Variants in LCT observed in about 807,000 individuals in gnomAD.
LCT encodes lactase.
A neutral mutation model predicts 173.0 loss-of-function variants in LCT; 90 were observed. That is an observed-to-expected ratio of 0.52 (90% confidence interval 0.44 to 0.62). The LOEUF is 0.62. LCT is among the 20% of genes least tolerant of loss of function. The pLI is 0.00. For missense variants in LCT, 1,864 were observed against 2,431.4 expected, an observed-to-expected ratio of 0.77 and a Z score of 4.91; for synonymous variants, 853 against 957.6, an observed-to-expected ratio of 0.89 and a Z score of 2.02.
At chr2:135,808,354 G>T (rs1323716027) in intron 8 of LCT, 89 bp downstream of exon 8, 1 of 1,021,204 alleles carries the variant, frequency 9.8e-7, no homozygotes, top group Non-Finnish European at 1.6e-6. Context: ...TCTATTGATG[G>T]TTCATAAATC....
rs768506428 is a variant in LCT, at chr2:135,808,631, G to A, written c.3716C>T (p.Ser1239Leu). Residue 1239 changes from serine (S) to leucine (L), a missense_variant, in exon 8 of 17, where the codon TCG becomes TTG. Coordinates refer to ENST00000264162, the MANE Select transcript of LCT (RefSeq NM_002299.4). ...TCTGTTCATTGCCGTGGAAGGCCAC[G>A]AAGGGTCCTCCTCCTCAGCCATCTC... The part of the protein sequence containing the change: ...DQEMAEEEDP[S>L]WPSTAMNRAA... 29 of 1,614,106 alleles carry A rather than the reference G, an allele frequency of 1.8e-5. 1 individual carries two copies. The highest frequency in any genetic ancestry group is 1.8e-4 in the East Asian group (8 of 44,892).
chr2:135,804,815 G>A lies in LCT; in HGVS notation c.4416C>T (p.Tyr1472=), dbSNP rs1298039219. ...TRYINEAGLN[Y]YVRLIDTLLA... is the part of the protein sequence containing the mutation. The stretch of plus-strand genomic sequence containing the variant: ...GCAGTGTATCGATGAGCCTCACGTA[G>A]TAGTTCAGGCCCGCTTCATTGATGT... Residue 1472 remains tyrosine, a synonymous_variant, in exon 10 of 17, where the codon TAC becomes TAT. Coordinates refer to ENST00000264162, the MANE Select transcript of LCT (RefSeq NM_002299.4). 3.7e-6 allele frequency: 6 copies of A among 1,613,664 alleles called. No homozygotes were observed. The highest frequency in any genetic ancestry group is 4.2e-6 in the Non-Finnish European group (5 of 1,180,060).
At position 135,788,308 on chromosome 2, in the gene LCT, T is replaced by A; in HGVS notation, c.*16A>T. ...AGAAACTAGGCCTGCTTCATAGAAC[T>A]TGAGGTGGTAACTCATCAGAATGAA... On this transcript the variant is annotated 3_prime_UTR_variant, in exon 17 of 17. Coordinates refer to ENST00000264162, the MANE Select transcript of LCT (RefSeq NM_002299.4). 4 of 1,585,794 alleles carry A rather than the reference T, an allele frequency of 2.5e-6. No individual in the cohort carries two copies. In the East Asian group the frequency reaches 8.9e-5, roughly 35 times the overall value.
At chr2:135,802,972 C>T (rs1190561428) in intron 11 of LCT, among the ~76,000 whole-genome samples, 4 of 151,962 alleles carry the variant, frequency 2.6e-5, no homozygotes, top group Non-Finnish European at 5.9e-5. Flanking sequence ...ATTAGCTGGG[C>T]ATGGTGACAC....
Position 135,817,947 on chromosome 2 carries a change from G to C in LCT, c.1101C>G (p.Ala367=). 1 of 1,614,010 alleles carries C rather than the reference G, an allele frequency of 6.2e-7. No individual in the cohort carries two copies. The highest frequency in any genetic ancestry group is 8.5e-7 in the Non-Finnish European group (1 of 1,180,018). Residue 367 remains alanine (A), a synonymous_variant, in exon 6 of 17, where the codon GCC becomes GCG. Transcript: ENST00000264162. ...SAYQRIWEAF[A]NQSRAERDAF... ...CATCCCTTTCCGCCCTGGACTGATT[G>C]GCAAATGCTTCCCAGATTCTCTGAT...
chr2:135,835,629 C>T (rs924276507), intron 1 of LCT, among the ~76,000 whole-genome samples: 5 of 150,106 alleles, frequency 3.3e-5, no homozygotes, highest in African/African-American at 9.8e-5. Context: ...GTGTACCTAA[C>T]ATACACTTAG....
Position 135,802,307 on chromosome 2 carries a change from T to C in LCT, c.4664-1498A>G, listed in dbSNP as rs189492712. ...CTGGATGGTTCTCAAGGCACAAAAA[T>C]AGGTCCACAATTTCTTATTCAAAAC... is the stretch of plus-strand genomic sequence containing the variant. On this transcript the variant is annotated intron_variant, in intron 11 of 16. Coordinates refer to ENST00000264162, the MANE Select transcript of LCT (RefSeq NM_002299.4). 1.8e-3 allele frequency among the ~76,000 whole-genome samples: 270 copies of C among 152,286 alleles called. 1 individual carries two copies. Among genetic ancestry groups the C allele is most frequent in the South Asian group, 3.3e-3 (16 of 4,820 alleles).
At chr2:135,827,749 TG>T (rs1458619674) in intron 3 of LCT, among the ~76,000 whole-genome samples, 1 of 152,172 alleles carries the variant, frequency 6.6e-6, no homozygotes, top group Non-Finnish European at 1.5e-5. Context: ...TGGTAATGCT[TG>T]CTCGCCTGCC....
At position 135,835,980 on chromosome 2, in the gene LCT, A is replaced by G. The variant is rs12052915; in HGVS notation, c.640+550T>C. ...GTATTTCAAAAATACATGTGTGTAT[A>G]TATATATATATATATATATATATAT... is the stretch of plus-strand genomic sequence containing the variant. On this transcript the variant is annotated intron_variant, in intron 1 of 16. Transcript: ENST00000264162. 7.7e-3 allele frequency among the ~76,000 whole-genome samples: 133 copies of G among 17,276 alleles called. 1 individual carries two copies. The highest frequency in any genetic ancestry group is 0.018 in the East Asian group (11 of 612). 11.3% of individuals were successfully genotyped at this position (17,276 alleles called of 152,430 possible).
chr2:135,799,479 CTTT>C (rs745994855), intron 12 of LCT, among the ~76,000 whole-genome samples: 2 of 142,280 alleles, frequency 1.4e-5, no homozygotes. Flanking sequence ...CACCTGCTTC[CTTT>C]TTTTTTTTTT....
chr2:135,794,879 T>C, intron 13 of LCT, 104 bp from the exon 14 acceptor site: 2 of 1,329,456 alleles, frequency 1.5e-6, no homozygotes. Flanking sequence ...CCCCAGGCAC[T>C]TGGCAGTGAG....
chr2:135,833,671 C>T (rs572654511), intron 1 of LCT, among the ~76,000 whole-genome samples: 121 of 151,554 alleles, frequency 8.0e-4, no homozygotes, highest in African/African-American at 2.8e-3. Flanking sequence ...TGGTCTCGAT[C>T]TCCTGACCTC....
rs1679414804 is a variant in LCT at position 135,836,882 on chromosome 2, G to A, written c.288C>T (p.Leu96=). The A allele has an allele frequency of 1.9e-6, 3 of 1,614,158 alleles. No homozygotes were observed. Among genetic ancestry groups the A allele is most frequent in the Non-Finnish European group, 2.5e-6 (3 of 1,180,028 alleles). Residue 96 remains leucine, a synonymous_variant, in exon 1 of 17, where the codon CTC becomes CTT. Coordinates refer to ENST00000264162, the MANE Select transcript of LCT (RefSeq NM_002299.4). ...HYKVFLSWAQ[L]LPAGSTQNPD... Reference sequence around the variant, plus strand: ...GATTCTGGGTGCTTCCTGCTGGGAGGAGCTGTGCCCATGACAGAAATACCT... The same window carrying A: ...GATTCTGGGTGCTTCCTGCTGGGAGAAGCTGTGCCCATGACAGAAATACCT...
At chr2:135,789,464 G>A in intron 16 of LCT, 107 bp downstream of exon 16, 1 of 774,026 alleles carries the variant, frequency 1.3e-6, no homozygotes, top group Non-Finnish European at 2.3e-6. Flanking sequence ...TGAAGGAGAT[G>A]GGGCAGCAGA....
intron 5 of LCT, among the ~76,000 whole-genome samples, chr2:135,818,669 C>A (rs2077802031): frequency 2.0e-5 from 3 of 152,154 alleles, no homozygotes; most frequent in Admixed American, 6.5e-5. Context: ...GAAACCCCGT[C>A]TCTACTAAAA....
chr2:135,828,810 G>A (rs562370612), intron 3 of LCT, among the ~76,000 whole-genome samples: 21 of 152,270 alleles, frequency 1.4e-4, no homozygotes, highest in African/African-American at 4.3e-4. Context: ...TGAGCTTACT[G>A]GAAGGTCCAG....
At position 135,794,682 on chromosome 2, in the gene LCT, G is replaced by T; in HGVS notation, c.5070C>A (p.Asn1690Lys). Reference protein sequence around the residue: ...FNHYTTVLAYNLNYATAISSF... With the variant: ...FNHYTTVLAYKLNYATAISSF... ...AAGAGATGGCAGTGGCATAGTTGAG[G>T]TTGTAGGCGAGGACAGTGGTGTAGT... Residue 1690 changes from asparagine (N) to lysine (K), a missense_variant, in exon 14 of 17, where the codon AAC becomes AAA. By Grantham distance (94) the Asn-to-Lys change is moderately conservative (BLOSUM62 0). Transcript: ENST00000264162. 1 of 1,614,162 alleles carries T rather than the reference G, an allele frequency of 6.2e-7. No homozygotes were observed. Among genetic ancestry groups the T allele is most frequent in the Non-Finnish European group, 8.5e-7 (1 of 1,179,988 alleles).
chr2:135,836,165 C>T (rs936383402), intron 1 of LCT, among the ~76,000 whole-genome samples: 1 of 151,574 alleles, frequency 6.6e-6, no homozygotes, highest in East Asian at 1.9e-4. Context: ...ATCACAGGCG[C>T]CTGCTACCAT....
chr2:135,802,972 C>A (rs1190561428), intron 11 of LCT, among the ~76,000 whole-genome samples: 1 of 152,080 alleles, frequency 6.6e-6, no homozygotes, highest in African/African-American at 2.4e-5. Flanking sequence ...ATTAGCTGGG[C>A]ATGGTGACAC....
Sources: gnomAD v4.1 joint callset for allele counts (sites outside exome capture counted in the v4.1 genomes callset) on GRCh38, gnomAD v4.1.1 for gene constraint, MANE v1.5 for transcripts, NCBI Gene and HGNC (gene_info 2026-07-23, HGNC 2026-07-21) for gene names.